CTNND2: variants seen among roughly 807,000 people sequenced by gnomAD.
CTNND2 encodes the protein catenin delta-2.
Under a neutral mutation model 144.4 loss-of-function variants are expected in CTNND2, and 22 were observed. The observed-to-expected ratio is 0.15, with a 90% CI of 0.11 to 0.22. CTNND2 has a LOEUF of 0.22. Among genes scored for constraint, CTNND2 ranks in the 10% least tolerant of loss-of-function variants. CTNND2 has a pLI of 1.00. For synonymous variants in CTNND2, 751 were observed against 695.6 expected, an observed-to-expected ratio of 1.08 and a Z score of -1.25; for missense variants, 1,353 against 1,618.8, an observed-to-expected ratio of 0.84 and a Z score of 2.82.
chr5:11,871,364 T>C (rs529694963), intron 1 of CTNND2, among the ~76,000 whole-genome samples: 10 of 152,308 alleles, frequency 6.6e-5, no homozygotes, highest in African/African-American at 2.4e-4. Flanking sequence ...AGTTTCCTCA[T>C]CTGTAAAACA....
intron 2 of CTNND2, among the ~76,000 whole-genome samples, chr5:11,576,981 C>T (rs1778020957): frequency 6.6e-6 from 1 of 152,158 alleles, no homozygotes; most frequent in Non-Finnish European, 1.5e-5. Flanking sequence ...TAAATACCCA[C>T]AGTGTCGGAG....
chr5:11,223,976 C>A (rs1028721362), intron 10 of CTNND2, among the ~76,000 whole-genome samples: 1 of 152,168 alleles, frequency 6.6e-6, no homozygotes, highest in Non-Finnish European at 1.5e-5. Flanking sequence ...GGATCCCCTG[C>A]TTCTCATCTG....
intron 10 of CTNND2, among the ~76,000 whole-genome samples, chr5:11,202,066 AAAT>A (rs1165342813): frequency 2.6e-5 from 4 of 152,196 alleles, no homozygotes; most frequent in African/African-American, 9.6e-5. Flanking sequence ...TTAGTTATTT[AAAT>A]AATGATGAAA....
intron 3 of CTNND2, among the ~76,000 whole-genome samples, chr5:11,512,852 G>A (rs1771780940): frequency 6.6e-6 from 1 of 152,166 alleles, no homozygotes; most frequent in Non-Finnish European, 1.5e-5. Context: ...CTGGCTTTGA[G>A]CAAAGTCTGC....
chr5:11,579,909 C>G (rs1467875508), intron 2 of CTNND2, among the ~76,000 whole-genome samples: 1 of 152,206 alleles, frequency 6.6e-6, no homozygotes, highest in East Asian at 1.9e-4. Context: ...ATCATCCCGG[C>G]AGCTGTTCCC....
intron 3 of CTNND2, among the ~76,000 whole-genome samples, chr5:11,489,669 T>C (rs1769198699): frequency 6.6e-6 from 1 of 152,160 alleles, no homozygotes; most frequent in African/African-American, 2.4e-5. Flanking sequence ...AATAACACAG[T>C]GATTGGCACA....
At chr5:11,056,231 C>T (rs2149588807) in intron 16 of CTNND2, among the ~76,000 whole-genome samples, 1 of 152,262 alleles carries the variant, frequency 6.6e-6, no homozygotes, top group South Asian at 2.1e-4. Flanking sequence ...AAATAAATGC[C>T]TAGCCTTGAG....
intron 14 of CTNND2, among the ~76,000 whole-genome samples, chr5:11,104,336 A>C (rs577403809): frequency 4.6e-5 from 7 of 152,248 alleles, no homozygotes; most frequent in Non-Finnish European, 8.8e-5. Context: ...TGCAAAATGT[A>C]GGAAGAGAAG....
intron 10 of CTNND2, among the ~76,000 whole-genome samples, chr5:11,215,254 T>C (rs1739055003): frequency 6.6e-6 from 1 of 152,218 alleles, no homozygotes; most frequent in African/African-American, 2.4e-5. Context: ...ACTCAGAATA[T>C]TATACAATCA....
intron 2 of CTNND2, among the ~76,000 whole-genome samples, chr5:11,694,422 T>A: frequency 5.0e-5 from 7 of 139,222 alleles, no homozygotes; most frequent in South Asian, 2.3e-4. Context: ...GGTGACAGAG[T>A]CTCTCAAAAA....
chr5:11,363,202 A>C (rs746472679), intron 8 of CTNND2, among the ~76,000 whole-genome samples: 1 of 152,226 alleles, frequency 6.6e-6, no homozygotes, highest in Middle Eastern at 3.4e-3. Context: ...TTAAGTATGG[A>C]TATCTTCCCT....
chr5:11,414,561 A>G (rs1341586775), intron 3 of CTNND2, among the ~76,000 whole-genome samples: 1 of 152,226 alleles, frequency 6.6e-6, no homozygotes, highest in Non-Finnish European at 1.5e-5. Flanking sequence ...GGATCCCAGC[A>G]GGGATTTAAA....
intron 3 of CTNND2, among the ~76,000 whole-genome samples, chr5:11,472,013 G>A (rs1042150319): frequency 2.8e-4 from 43 of 152,238 alleles, no homozygotes; most frequent in African/African-American, 9.9e-4. Context: ...TTTCAGAAGC[G>A]AACACTGTCA....
chr5:11,836,305 A>C (rs1389305116), intron 1 of CTNND2, among the ~76,000 whole-genome samples: 1 of 152,194 alleles, frequency 6.6e-6, no homozygotes, highest in Non-Finnish European at 1.5e-5. Flanking sequence ...ATTCTAAGAG[A>C]AAACTATAGA....
rs114531026 is a variant in CTNND2, at chr5:11,839,344, C to T, written c.37+64473G>A. Reference sequence around the variant, plus strand: ...CTTAACTGTCTATTGACTTGTGGGTCATCAAACTTAGGTTCATCCTGATAA... The same window carrying T: ...CTTAACTGTCTATTGACTTGTGGGTTATCAAACTTAGGTTCATCCTGATAA... On this transcript the variant is annotated intron_variant, in intron 1 of 21. Transcript: ENST00000304623. Among the ~76,000 whole-genome samples the T allele has an allele frequency of 6.1e-3, 925 of 152,198 alleles. 7 individuals are homozygous for T. Among genetic ancestry groups the T allele is most frequent in the African/African-American group, 0.021 (864 of 41,522 alleles).
At chr5:11,808,022 G>C (rs1792103555) in intron 1 of CTNND2, among the ~76,000 whole-genome samples, 1 of 152,018 alleles carries the variant, frequency 6.6e-6, no homozygotes, top group South Asian at 2.1e-4. Context: ...TCAGATGGAG[G>C]GTACCACAAG....
At chr5:11,793,001 G>A (rs1293133200) in intron 1 of CTNND2, among the ~76,000 whole-genome samples, 2 of 152,200 alleles carry the variant, frequency 1.3e-5, no homozygotes, top group African/African-American at 4.8e-5. Context: ...TGCATTTTAA[G>A]TAAAATTAGA....
rs114562017 is a variant in CTNND2, at chr5:11,704,533, T to C, written c.174+27603A>G. On this transcript the variant is annotated intron_variant, in intron 2 of 21. Transcript: ENST00000304623. The stretch of plus-strand genomic sequence containing the variant: ...AAGTACTTAGCATCAGGAATACAGC[T>C]CAAGTTCCAGTTTCCAGAGGATGTT... Among the ~76,000 whole-genome samples, 774 of 152,202 alleles carry C rather than the reference T, an allele frequency of 5.1e-3. 3 individuals are homozygous for C. Among genetic ancestry groups the C allele is most frequent in the Non-Finnish European group, 8.3e-3 (562 of 68,008 alleles).
intron 3 of CTNND2, among the ~76,000 whole-genome samples, chr5:11,478,626 A>G (rs1320865752): frequency 6.6e-6 from 1 of 152,202 alleles, no homozygotes; most frequent in African/African-American, 2.4e-5. Flanking sequence ...ACTATTTCCC[A>G]AAGGTAGATG....
Sources: gnomAD v4.1 joint callset for allele counts (sites outside exome capture counted in the v4.1 genomes callset) on GRCh38, gnomAD v4.1.1 for gene constraint, MANE v1.5 for transcripts, NCBI Gene and HGNC (gene_info 2026-07-23, HGNC 2026-07-21) for gene names.